The following GRIK1 variants were observed in gnomAD, a reference collection of about 807,000 sequenced individuals.
GRIK1 encodes the protein glutamate ionotropic receptor kainate type subunit 1.
In GRIK1, 69 loss-of-function variants were observed where a neutral mutation model predicts 105.7. That is an observed-to-expected ratio of 0.65 (90% confidence interval 0.54 to 0.80). The LOEUF (loss-of-function observed/expected upper bound fraction) is 0.80. GRIK1 is among the 30% of genes least tolerant of loss of function. The pLI is 0.00. For missense variants in GRIK1, 1,109 were observed against 1,167.3 expected (o/e 0.95, Z 0.73); for synonymous variants, 438 against 431.3 (o/e 1.02, Z -0.19).
chr21:29,679,221 C>G (rs1284264587), intron 3 of GRIK1, among the ~76,000 whole-genome samples: 1 of 152,094 alleles, frequency 6.6e-6, no homozygotes, highest in East Asian at 1.9e-4. Context: ...GGATGCTATT[C>G]TCATTTCAAA....
chr21:29,561,918 G>T, intron 14 of GRIK1, 69 bp from the exon 15 acceptor site: 1 of 834,476 alleles, frequency 1.2e-6, no homozygotes, highest in Non-Finnish European at 2.0e-6. Flanking sequence ...GGTATTCAAA[G>T]TCCCAATGGT....
At chr21:29,555,635 A>G (rs971047453) in intron 15 of GRIK1, among the ~76,000 whole-genome samples, 2 of 152,164 alleles carry the variant, frequency 1.3e-5, no homozygotes, top group African/African-American at 4.8e-5. Flanking sequence ...TCACTGTGTA[A>G]GCTAAAAATA....
In GRIK1 at chr21:29,936,337, A is replaced by AT. The variant is rs976240344; in HGVS notation, c.118+3045dup. Among the ~76,000 whole-genome samples the AT allele has an allele frequency of 3.0e-4, 46 of 152,146 alleles. 1 individual carries two copies. Among genetic ancestry groups the AT allele is most frequent in the African/African-American group, 6.8e-4 (28 of 41,410 alleles). On this transcript the variant is annotated intron_variant, in intron 1 of 17. Transcript: ENST00000327783. ...CTAAAATTGCATATGCACTTGGAAT[A>AT]TTTTTTTAATTAATGGTGGTGGGCC...
rs2091157420 is a variant in GRIK1 at position 29,587,553 on chromosome 21, A to G, written c.1606T>C (p.Tyr536His). ...DLAVAPLTIT[Y>H]VREKVIDFSK... ...AAGTCAATGACTTTCTCCCGCACGT[A>G]GGTGATGGTAAGAGGAGCCACTGCC... Residue 536 changes from tyrosine to histidine, a missense_variant, in exon 12 of 18, where the codon TAC (tyrosine) becomes CAC (histidine). By Grantham distance (83) the Tyr-to-His change is moderately conservative. Transcript: ENST00000327783. 6.2e-7 allele frequency: 1 copy of G among 1,613,382 alleles called. No homozygotes were observed. Among genetic ancestry groups the G allele is most frequent in the Non-Finnish European group, 8.5e-7 (1 of 1,179,486 alleles).
chr21:29,656,961 A>G (rs188986950), intron 4 of GRIK1, among the ~76,000 whole-genome samples: 37 of 152,350 alleles, frequency 2.4e-4, no homozygotes, highest in African/African-American at 8.7e-4. Flanking sequence ...AAGACCAGGC[A>G]CACTAAAGGA....
At chr21:29,808,734 T>C (rs74781066) in intron 1 of GRIK1, among the ~76,000 whole-genome samples, 7,265 of 152,264 alleles carry the variant, frequency 0.048, 227 homozygotes, top group Middle Eastern at 0.078. Context: ...TGAAAATCTG[T>C]CTTTCTGATT....
At chr21:29,648,556 G>T (rs997997464) in intron 6 of GRIK1, among the ~76,000 whole-genome samples, 1 of 147,732 alleles carries the variant, frequency 6.8e-6, no homozygotes, top group African/African-American at 2.4e-5. Flanking sequence ...ATTTATTGAC[G>T]GTGTACTTCG....
At chr21:29,557,285 G>A (rs77061697) in intron 15 of GRIK1, among the ~76,000 whole-genome samples, 3,624 of 152,064 alleles carry the variant, frequency 0.024, 133 homozygotes, top group African/African-American at 0.082. Flanking sequence ...TGATAAATGA[G>A]GCATCTTAGG....
chr21:29,858,773 A>T (rs2068543403), intron 1 of GRIK1, among the ~76,000 whole-genome samples: 1 of 151,732 alleles, frequency 6.6e-6, no homozygotes, highest in Non-Finnish European at 1.5e-5. Context: ...ATTCTCCTTG[A>T]AGAAGATTTA....
chr21:29,887,689 A>G (rs560349626), intron 1 of GRIK1, among the ~76,000 whole-genome samples: 2 of 152,234 alleles, frequency 1.3e-5, no homozygotes, highest in Admixed American at 6.5e-5. Context: ...CTAAGTTACT[A>G]TAATCTTTTC....
intron 1 of GRIK1, among the ~76,000 whole-genome samples, chr21:29,904,130 G>A (rs983764313): frequency 3.9e-5 from 6 of 152,074 alleles, no homozygotes; most frequent in African/African-American, 1.4e-4. Flanking sequence ...GTGGGGAATG[G>A]GATGCTAGGG....
chr21:29,904,190 G>A (rs2146270734), intron 1 of GRIK1, among the ~76,000 whole-genome samples: 1 of 152,130 alleles, frequency 6.6e-6, no homozygotes, highest in East Asian at 1.9e-4. Flanking sequence ...GGCGATGGGT[G>A]CCGCAAACCA....
Position 29,651,219 on chromosome 21 carries a change from T to G in GRIK1, c.853A>C (p.Ile285Leu). 2 of 1,613,860 alleles carry G rather than the reference T, an allele frequency of 1.2e-6. No homozygotes were observed. Among genetic ancestry groups the G allele is most frequent in the Non-Finnish European group, 1.7e-6 (2 of 1,179,734 alleles). The change falls in exon 6 of 18, where the codon ATT (isoleucine) becomes CTT (leucine). Residue 285 changes from isoleucine to leucine, a missense_variant. By Grantham distance (5) the Ile-to-Leu change is conservative. This residue lies in a region of GRIK1 where 612 missense variants were observed against 586.0 expected (regional missense o/e 1.04). Transcript: ENST00000327783. The part of the protein sequence containing the change: ...VNMTGFRLLN[I>L]DNPHVSSIIE... ...ATGGATGACACGTGAGGGTTGTCAA[T>G]GTTAAGCAGCCGAAACCCGGTCATG...
At chr21:29,852,480 G>A (rs551380382) in intron 1 of GRIK1, among the ~76,000 whole-genome samples, 2 of 152,180 alleles carry the variant, frequency 1.3e-5, no homozygotes, top group East Asian at 3.9e-4. Flanking sequence ...CCCCTTATCA[G>A]TTCCACTTCC....
intron 10 of GRIK1, among the ~76,000 whole-genome samples, chr21:29,589,562 C>T (rs1871162548): frequency 6.6e-6 from 1 of 151,180 alleles, no homozygotes; most frequent in African/African-American, 2.4e-5. Flanking sequence ...GCTGGGACTA[C>T]AGGCGCCTGC....
chr21:29,597,985 ACT>A (rs1284751058), intron 8 of GRIK1, among the ~76,000 whole-genome samples: 1 of 152,110 alleles, frequency 6.6e-6, no homozygotes, highest in Non-Finnish European at 1.5e-5. Context: ...CATTAAGCAC[ACT>A]GTCTTATTCA....
chr21:29,673,749 C>T (rs1302961549), intron 3 of GRIK1, among the ~76,000 whole-genome samples: 1 of 152,048 alleles, frequency 6.6e-6, no homozygotes, highest in Non-Finnish European at 1.5e-5. Flanking sequence ...CTTGGAAAAT[C>T]CTACTTGATT....
intron 12 of GRIK1, among the ~76,000 whole-genome samples, chr21:29,585,866 C>G (rs78444133): frequency 6.6e-6 from 1 of 152,112 alleles, no homozygotes; most frequent in Admixed American, 6.5e-5. Flanking sequence ...TTAATTGTTT[C>G]GAGCATGGTT....
chr21:29,597,732 T>C (rs1418920401), intron 8 of GRIK1: 2 of 369,678 alleles, frequency 5.4e-6, no homozygotes, highest in Non-Finnish European at 1.2e-5. Flanking sequence ...CTCTCAAAAC[T>C]GCAAACAAAT....
Sources: gnomAD v4.1 joint callset for allele counts (sites outside exome capture counted in the v4.1 genomes callset) on GRCh38, gnomAD v4.1.1 for gene constraint, gnomAD v4.1.1 regional missense constraint, MANE v1.5 for transcripts, NCBI Gene and HGNC (gene_info 2026-07-23, HGNC 2026-07-21) for gene names.